Variants in PCDH15 observed in about 807,000 individuals in gnomAD.
PCDH15 encodes the protein protocadherin related 15.
Under a neutral mutation model 178.5 loss-of-function variants are expected in PCDH15, and 129 were observed. The observed-to-expected ratio is 0.72, with a 90% CI of 0.63 to 0.84. The LOEUF (loss-of-function observed/expected upper bound fraction) is 0.84, where lower values mean the gene tolerates loss of function less well. Ranked by LOEUF, PCDH15 falls within the 40% of genes least tolerant of loss-of-function variation. The pLI is 0.00. For missense variants in PCDH15, 2,230 were observed against 2,099.9 expected (o/e 1.06, Z -1.21); for synonymous variants, 800 against 732.0 (o/e 1.09, Z -1.50).
At chr10:54,341,820 G>T (rs916317643) in intron 6 of PCDH15, among the ~76,000 whole-genome samples, 2 of 152,162 alleles carry the variant, frequency 1.3e-5, no homozygotes, top group Non-Finnish European at 2.9e-5. Flanking sequence ...AGTCACTCTT[G>T]CTATGCTTTA....
intron 29 of PCDH15, among the ~76,000 whole-genome samples, chr10:53,836,507 T>A (rs2077316588): frequency 7.9e-6 from 1 of 126,740 alleles, no homozygotes; most frequent in South Asian, 2.9e-4. Flanking sequence ...GAGAAAACCC[T>A]ACAGCACGCA....
chr10:55,149,681 G>C (rs1364267255), intron 2 of PCDH15, among the ~76,000 whole-genome samples: 1 of 118,530 alleles, frequency 8.4e-6, no homozygotes, highest in Non-Finnish European at 1.9e-5. Flanking sequence ...GTTTTCACCA[G>C]GGAGAGATAT....
At chr10:54,527,079 A>G (rs752410083) in intron 3 of PCDH15, among the ~76,000 whole-genome samples, 9 of 152,170 alleles carry the variant, frequency 5.9e-5, no homozygotes, top group Non-Finnish European at 1.2e-4. Context: ...ACATTTACAT[A>G]CTTAGTTTAA....
chr10:54,508,139 TAAC>T (rs1323044559), intron 3 of PCDH15, among the ~76,000 whole-genome samples: 1 of 152,052 alleles, frequency 6.6e-6, no homozygotes, highest in Non-Finnish European at 1.5e-5. Flanking sequence ...TATCTGGAGT[TAAC>T]ATCCTACTGT....
At chr10:54,996,495 TTGA>T (rs1458044591) in intron 2 of PCDH15, among the ~76,000 whole-genome samples, 1 of 152,210 alleles carries the variant, frequency 6.6e-6, no homozygotes, top group Non-Finnish European at 1.5e-5. Flanking sequence ...TGTGTGTATG[TTGA>T]TGTAGTCACG....
At chr10:55,599,986 A>G in intron 2 of PCDH15, 3 of 1,450,498 alleles carry the variant, frequency 2.1e-6, no homozygotes, top group Non-Finnish European at 2.7e-6. Flanking sequence ...TAAATAGGAG[A>G]AGACCCTGTG....
At chr10:54,753,949 A>G (rs973407635) in intron 1 of PCDH15, among the ~76,000 whole-genome samples, 63 of 140,600 alleles carry the variant, frequency 4.5e-4, no homozygotes, top group South Asian at 6.9e-4. Context: ...GCTGGAGTGC[A>G]GTGGCGCCGC....
chr10:54,910,149 C>G (rs551886030), intron 2 of PCDH15, among the ~76,000 whole-genome samples: 7 of 152,222 alleles, frequency 4.6e-5, no homozygotes, highest in African/African-American at 1.7e-4. Flanking sequence ...ACTGCTGCTC[C>G]CACAGTTGCT....
At chr10:54,587,909 G>A (rs2133890096) in intron 2 of PCDH15, among the ~76,000 whole-genome samples, 1 of 152,240 alleles carries the variant, frequency 6.6e-6, no homozygotes, top group Admixed American at 6.5e-5. Flanking sequence ...TTTATTCCCA[G>A]TGTAAATTCC....
chr10:54,174,402 G>C (rs1174727706), intron 13 of PCDH15, among the ~76,000 whole-genome samples: 1 of 151,988 alleles, frequency 6.6e-6, no homozygotes, highest in African/African-American at 2.4e-5. Context: ...GGGCATGGTG[G>C]TGGGCTCCTG....
At chr10:55,370,551 C>A (rs1169247305) in intron 2 of PCDH15, among the ~76,000 whole-genome samples, 1 of 152,050 alleles carries the variant, frequency 6.6e-6, no homozygotes, top group Non-Finnish European at 1.5e-5. Flanking sequence ...GATAAAAGTA[C>A]CCTTTCTTAA....
intron 21 of PCDH15, among the ~76,000 whole-genome samples, chr10:53,988,298 C>T (rs945510720): frequency 9.2e-5 from 14 of 152,134 alleles, no homozygotes; most frequent in Admixed American, 9.2e-4. Context: ...AAGGTTTCTG[C>T]CAGCCCCATG....
At chr10:55,063,951 G>T (rs1448144892) in intron 2 of PCDH15, among the ~76,000 whole-genome samples, 1 of 152,038 alleles carries the variant, frequency 6.6e-6, no homozygotes, top group East Asian at 1.9e-4. Context: ...ATCAAATCAG[G>T]ATATTAAATA....
At chr10:54,564,965 T>C (rs184511606) in intron 2 of PCDH15, among the ~76,000 whole-genome samples, 4 of 152,330 alleles carry the variant, frequency 2.6e-5, no homozygotes, top group African/African-American at 4.8e-5. Context: ...AATATGTCAC[T>C]TTCTCTTCAG....
rs182416183 is a variant in PCDH15, at chr10:55,567,039, G to A, written c.-156+60586C>T. On this transcript the variant is annotated intron_variant, in intron 2 of 5. Coordinates refer to the PCDH15 transcript ENST00000613346. ...TCCTGATTTCCAAACTTACTATAAA[G>A]CTACAGTAATCAAAACATTGTGGTA... Among the ~76,000 whole-genome samples the A allele has an allele frequency of 6.5e-4, 99 of 151,996 alleles. 1 individual carries two copies. The highest frequency in any genetic ancestry group is 2.3e-3 in the African/African-American group (94 of 41,496).
intron 2 of PCDH15, among the ~76,000 whole-genome samples, chr10:55,430,016 A>C (rs922240384): frequency 1.3e-5 from 2 of 152,228 alleles, no homozygotes; most frequent in Admixed American, 6.5e-5. Context: ...CTTTTAAATG[A>C]AATCAAGATT....
chr10:55,179,050 C>T (rs1839569940), intron 1 of PCDH15, among the ~76,000 whole-genome samples: 1 of 152,084 alleles, frequency 6.6e-6, no homozygotes, highest in Admixed American at 6.6e-5. Context: ...GTATAATACT[C>T]ATATATGGTT....
At chr10:54,429,341 CA>C (rs1359097730) in intron 3 of PCDH15, among the ~76,000 whole-genome samples, 2 of 151,402 alleles carry the variant, frequency 1.3e-5, no homozygotes, top group East Asian at 1.9e-4. Flanking sequence ...AGCAGATACA[CA>C]AAAAAAGGAA....
intron 2 of PCDH15, among the ~76,000 whole-genome samples, chr10:55,432,409 G>T (rs111845326): frequency 4.6e-5 from 7 of 152,108 alleles, no homozygotes; most frequent in African/African-American, 1.7e-4. Context: ...GTGGAGGATT[G>T]ATATTTTCCA....
Sources: allele counts gnomAD v4.1 joint callset (sites outside exome capture counted in the v4.1 genomes callset), GRCh38; gene constraint gnomAD v4.1.1; transcripts MANE v1.5; gene names NCBI Gene and HGNC (gene_info 2026-07-23, HGNC 2026-07-21).